TOP1MT: variants seen among roughly 807,000 people sequenced by gnomAD.
TOP1MT encodes DNA topoisomerase I, mitochondrial.
A neutral mutation model predicts 73.9 loss-of-function variants in TOP1MT; 80 were observed. That is an observed-to-expected ratio of 1.08 (90% CI 0.90 to 1.30). The LOEUF (loss-of-function observed/expected upper bound fraction) is 1.30. Among genes scored for constraint, TOP1MT ranks in the 50% most tolerant of loss-of-function variants. TOP1MT has a pLI of 0.00. For synonymous variants in TOP1MT, 338 were observed against 326.4 expected (o/e 1.04, Z -0.38); for missense variants, 815 against 808.0 (o/e 1.01, Z -0.10).
At chr8:143,343,152 C>T (rs1277422250) in intron 2 of TOP1MT, 2 of 456,144 alleles carry the variant, frequency 4.4e-6, no homozygotes, top group East Asian at 6.9e-5. Flanking sequence ...ATTCATCAGG[C>T]ATGAGTGCCT....
chr8:143,342,087 A>AT (rs1280104338), intron 2 of TOP1MT, among the ~76,000 whole-genome samples: 1 of 121,908 alleles, frequency 8.2e-6, no homozygotes, highest in Non-Finnish European at 1.6e-5. Context: ...TATTATTATT[A>AT]TTAGAGTCTC....
exon 2 of TOP1MT, chr8:143,343,286 T>C (rs1377907481): frequency 6.6e-6 from 3 of 456,248 alleles, no homozygotes; most frequent in Admixed American, 2.3e-5. Context: ...TCTGTGCAAA[T>C]CTAGAATTCA....
chr8:143,348,564 T>C (rs1817266845), upstream of TOP1MT, among the ~76,000 whole-genome samples: 1 of 151,790 alleles, frequency 6.6e-6, no homozygotes, highest in Admixed American at 6.6e-5. This position sits in a 1 kb window ranked among gnomAD's most constrained non-coding sequence, Gnocchi z 4.6. Flanking sequence ...GACCAGCATA[T>C]TTCATCCTGT....
At chr8:143,321,665 C>T (rs920255382) in intron 7 of TOP1MT, among the ~76,000 whole-genome samples, 3 of 111,958 alleles carry the variant, frequency 2.7e-5, no homozygotes, top group Admixed American at 9.0e-5. Flanking sequence ...GCCACACACA[C>T]GCACGCCACA....
rs759444162 is a variant in TOP1MT at position 143,342,061 on chromosome 8, CAG to C, written c.29+1157_29+1158del. ...TCGCTGTTATTATTATTATTAGAGACAGAGTCTCGCTCTGTTATTATTATTAT... is the reference window on the plus strand; with the variant it reads ...TCGCTGTTATTATTATTATTAGAGACAGTCTCGCTCTGTTATTATTATTAT... On this transcript the variant is annotated intron_variant, in intron 2 of 5. Transcript: ENST00000518007. Among the ~76,000 whole-genome samples, 24 of 130,728 alleles carry C rather than the reference CAG, an allele frequency of 1.8e-4. 2 individuals are homozygous for C. The highest frequency in any genetic ancestry group is 1.5e-3 in the South Asian group (7 of 4,518). The allele number at this position is 130,728 out of a possible 152,430, so 85.8% of individuals were successfully genotyped here. A position where few individuals can be genotyped will look rare whatever the true frequency, so the allele number is the denominator to read the frequency against.
chr8:143,359,540 G>T, upstream of TOP1MT: 1 of 544,300 alleles, frequency 1.8e-6, no homozygotes, highest in Non-Finnish European at 2.3e-6. Context: ...GATGAGGAGG[G>T]GTGGGGCAGC....
Position 143,316,096 on chromosome 8 carries a change from G to C in TOP1MT, c.1361C>G (p.Ser454Cys). ...AEDSIAAKIL[S>C]YNRANRVVAI... is the part of the protein sequence containing the mutation. ...CACGACTCGGTTGGCTCGGTTGTAG[G>C]ATAAGATCTTAGCTGCTATGCTGTC... Residue 454 changes from serine (S) to cysteine (C), a missense_variant, in exon 11 of 14, where the codon TCC becomes TGC. Ser to Cys is a moderately radical substitution (Grantham distance 112, BLOSUM62 -1). This residue lies in a region of TOP1MT where 751 missense variants were observed against 725.4 expected (regional missense o/e 1.04). Transcript: ENST00000329245. 2 of 1,614,154 alleles carry C rather than the reference G, an allele frequency of 1.2e-6. No individual in the cohort carries two copies. The highest frequency in any genetic ancestry group is 1.7e-6 in the Non-Finnish European group (2 of 1,179,994).
chr8:143,347,806 G>A (rs1476510761), upstream of TOP1MT, among the ~76,000 whole-genome samples: 1 of 152,088 alleles, frequency 6.6e-6, no homozygotes, highest in African/African-American at 2.4e-5. Flanking sequence ...CTCAGTCCAA[G>A]GTGGGCTGTG....
chr8:143,341,272 T>C lies in TOP1MT; in HGVS notation c.29+1948A>G, dbSNP rs1204074058. 6.6e-6 allele frequency among the ~76,000 whole-genome samples: 1 copy of C among 152,170 alleles called. No homozygotes were observed. Among genetic ancestry groups the C allele is most frequent in the African/African-American group, 2.4e-5 (1 of 41,448 alleles). On this transcript the variant is annotated intron_variant, in intron 2 of 5. Coordinates refer to the TOP1MT transcript ENST00000518007. This position sits in a 1 kb window ranked among gnomAD's most constrained non-coding sequence, Gnocchi z 4.1. The stretch of plus-strand genomic sequence containing the variant: ...TCCACACAGCCCTTGCCCCGGCCAG[T>C]GTCTGTGAGCTCACAGTCCAGGTCC...
upstream of TOP1MT, among the ~76,000 whole-genome samples, chr8:143,349,827 A>G (rs146988103): frequency 2.0e-3 from 305 of 152,082 alleles, 1 homozygote; most frequent in African/African-American, 7.1e-3. Flanking sequence ...TTTTAGTAGA[A>G]ACAGGGTTTC....
At position 143,322,636 on chromosome 8, in the gene TOP1MT, ACACACGCCACACGCACACCACACACG is replaced by A. The variant is rs1563759705; in HGVS notation, c.961-1276_961-1251del. On this transcript the variant is annotated intron_variant, in intron 7 of 13. Coordinates refer to ENST00000329245, the MANE Select transcript of TOP1MT (RefSeq NM_052963.3). ...TGCATGCCACACAGGCACGTCACAC[ACACACGCCACACGCACACCACACACG>A]CACGCCACACACGCACGCCACACAC... Among the ~76,000 whole-genome samples, 46 of 62,260 alleles carry A rather than the reference ACACACGCCACACGCACACCACACACG, an allele frequency of 7.4e-4. 1 individual carries two copies. The highest frequency in any genetic ancestry group is 1.2e-3 in the African/African-American group (22 of 18,810). 40.8% of individuals were successfully genotyped at this position (62,260 alleles called of 152,430 possible).
In TOP1MT at chr8:143,351,859, G is replaced by T. The variant is rs1056316230; in HGVS notation, c.-39+4106C>A. On this transcript the variant is annotated intron_variant, in intron 1 of 5. Coordinates refer to the TOP1MT transcript ENST00000518760. ...AGCACTTCGGGAGGCCGAGGCGGGT[G>T]GATCACCTGAGGTCAGGAGTTCGAG... 2.6e-5 allele frequency among the ~76,000 whole-genome samples: 4 copies of T among 152,210 alleles called. No homozygotes were observed. In the East Asian group the frequency reaches 7.7e-4, roughly 29 times the overall value.
At chr8:143,324,457 G>A (rs3829018) in intron 6 of TOP1MT, 28 bp downstream of exon 6, 169,498 of 1,613,322 alleles carry the variant, frequency 0.11, 9,613 homozygotes, top group African/African-American at 0.2. Flanking sequence ...TCCTGGGGAG[G>A]AAACACCCTG....
upstream of TOP1MT, among the ~76,000 whole-genome samples, chr8:143,345,777 C>A (rs1563772960): frequency 6.6e-6 from 1 of 152,186 alleles, no homozygotes; most frequent in Non-Finnish European, 1.5e-5. Flanking sequence ...AAATCCAAAT[C>A]ATCGACACTT....
intron 12 of TOP1MT, among the ~76,000 whole-genome samples, chr8:143,311,117 A>ATTTTTTTT (rs769172231): frequency 2.1e-3 from 220 of 106,794 alleles, no homozygotes; most frequent in Middle Eastern, 5.3e-3. Flanking sequence ...CACGCACATG[A>ATTTTTTTT]TTTTTTTTTT....
intron 7 of TOP1MT, among the ~76,000 whole-genome samples, chr8:143,322,648 C>CACAG (rs1491208487): frequency 1.8e-5 from 2 of 109,466 alleles, no homozygotes; most frequent in Non-Finnish European, 3.6e-5. Context: ...ACACGCCACA[C>CACAG]GCACACCACA....
At position 143,315,837 on chromosome 8, in the gene TOP1MT, C is replaced by T; in HGVS notation, c.1459-16G>A. On this transcript the variant is annotated splice_polypyrimidine_tract_variant and intron_variant, in intron 11 of 13. Transcript: ENST00000329245. Reference sequence around the variant, plus strand: ...TTGCCTGGATCTGCAGGAAAAGGGTCCAGACAGGGCTGCCCCTCCCCATCC... The same window carrying T: ...TTGCCTGGATCTGCAGGAAAAGGGTTCAGACAGGGCTGCCCCTCCCCATCC... 1 of 1,612,332 alleles carries T rather than the reference C, an allele frequency of 6.2e-7. No homozygotes were observed. Among genetic ancestry groups the T allele is most frequent in the Non-Finnish European group, 8.5e-7 (1 of 1,179,622 alleles).
chr8:143,355,343 T>C (rs1817390816), intron 1 of TOP1MT: 1 of 152,236 alleles, frequency 6.6e-6, no homozygotes, highest in Non-Finnish European at 1.5e-5. Context: ...TCGCCGCGAA[T>C]GGATGCATGC....
rs1406303016 is a variant in TOP1MT, at chr8:143,315,577, TTA to T, written c.1553+148_1553+149del. The T allele has an allele frequency of 4.7e-6, 3 of 635,856 alleles. No individual in the cohort carries two copies. The African/African-American group carries it at 5.5e-5, about 12-fold the overall frequency. The allele number at this position is 635,856 out of a possible 1,614,324, so 39.4% of individuals were successfully genotyped here. On this transcript the variant is annotated intron_variant, in intron 12 of 13. Transcript: ENST00000329245. ...CCCCCGGGCCCAGCTGTCCTTTCTT[TTA>T]TCTCTTTGTCTTGTGTCTTTATTTC... is the stretch of plus-strand genomic sequence containing the variant.
Sources: allele counts gnomAD v4.1 joint callset (sites outside exome capture counted in the v4.1 genomes callset), GRCh38; gene constraint gnomAD v4.1.1; regional missense constraint gnomAD v4.1.1; non-coding constraint Gnocchi (gnomAD v3.1); transcripts MANE v1.5; gene names NCBI Gene and HGNC (gene_info 2026-07-23, HGNC 2026-07-21).